The following ADAMTS17 variants were observed in gnomAD, a reference collection of about 807,000 sequenced individuals.
ADAMTS17 encodes ADAM metallopeptidase with thrombospondin type 1 motif 17, also known as A disintegrin and metalloproteinase with thrombospondin motifs 17.
In ADAMTS17, 113 loss-of-function variants were observed where a neutral mutation model predicts 141.5. The ratio of observed to expected loss-of-function variants is 0.80; its 90% CI spans 0.69 to 0.93. The LOEUF (loss-of-function observed/expected upper bound fraction) is 0.93, where lower values mean the gene tolerates loss of function less well. Ranked by LOEUF, ADAMTS17 falls within the 40% of genes least tolerant of loss-of-function variation. ADAMTS17 has a pLI of 0.00. For synonymous variants in ADAMTS17, 768 were observed against 630.6 expected, an observed-to-expected ratio of 1.22 and a Z score of -3.27; for missense variants, 1,659 against 1,517.9, an observed-to-expected ratio of 1.09 and a Z score of -1.54.
intron 18 of ADAMTS17, among the ~76,000 whole-genome samples, chr15:100,015,009 T>G (rs1328343485): frequency 6.6e-6 from 1 of 152,222 alleles, no homozygotes; most frequent in East Asian, 1.9e-4. Context: ...ATTTCTTAGG[T>G]CTATTAGTAA....
At chr15:100,251,488 G>A (rs1596363737) in intron 7 of ADAMTS17, among the ~76,000 whole-genome samples, 2 of 152,378 alleles carry the variant, frequency 1.3e-5, no homozygotes, top group South Asian at 4.1e-4. Flanking sequence ...CACTCTGGGA[G>A]GCCGAGGCGG....
chr15:100,311,169 G>T (rs2045392238), intron 3 of ADAMTS17, among the ~76,000 whole-genome samples: 1 of 152,230 alleles, frequency 6.6e-6, no homozygotes, highest in Non-Finnish European at 1.5e-5. Flanking sequence ...CTGCCGGGAG[G>T]GAAGCCGGGT....
chr15:100,282,220 C>G lies in ADAMTS17; in HGVS notation c.617-819G>C, dbSNP rs976062042. Among the ~76,000 whole-genome samples, 4 of 152,200 alleles carry G rather than the reference C, an allele frequency of 2.6e-5. No individual in the cohort carries two copies. The East Asian group carries it at 7.7e-4, about 29-fold the overall frequency. On this transcript the variant is annotated intron_variant, in intron 3 of 21. Coordinates refer to ENST00000268070, the MANE Select transcript of ADAMTS17 (RefSeq NM_139057.4). The stretch of plus-strand genomic sequence containing the variant: ...GAATCCGAATATAAACAGGAAGTCT[C>G]TCTCATTTGATAGTTATTTCCATGT...
At chr15:100,311,983 G>A (rs1482680722) in intron 3 of ADAMTS17, among the ~76,000 whole-genome samples, 1 of 152,176 alleles carries the variant, frequency 6.6e-6, no homozygotes, top group African/African-American at 2.4e-5. Context: ...GGTGGCTCAG[G>A]GAAGCTCCTG....
chr15:100,080,742 T>A (rs2034679127), intron 15 of ADAMTS17, among the ~76,000 whole-genome samples: 1 of 152,240 alleles, frequency 6.6e-6, no homozygotes, highest in Non-Finnish European at 1.5e-5. Flanking sequence ...GAAAGTATAT[T>A]TCCTTTTCCT....
chr15:100,225,744 C>G, intron 7 of ADAMTS17, among the ~76,000 whole-genome samples: 1 of 150,206 alleles, frequency 6.7e-6, no homozygotes, highest in Admixed American at 6.6e-5. Context: ...GCCATTCAGT[C>G]CTTATAGCAG....
intron 2 of ADAMTS17, among the ~76,000 whole-genome samples, chr15:100,332,421 T>C (rs1264166064): frequency 6.6e-6 from 1 of 152,216 alleles, no homozygotes; most frequent in Non-Finnish European, 1.5e-5. Context: ...GTGCCTGGGA[T>C]GGAGCCCCGC....
At position 100,281,219 on chromosome 15, in the gene ADAMTS17, C is replaced by G; in HGVS notation, c.789+10G>C. On this transcript the variant is annotated intron_variant, in intron 4 of 21. Transcript: ENST00000268070. ...AGCCCCCCACATCAGGACCCCGGCT[C>G]CGGACTCACCATGTTCATGACGGTC... 6.2e-7 allele frequency: 1 copy of G among 1,603,110 alleles called. No individual in the cohort carries two copies.
chr15:100,103,107 G>A (rs907132268), intron 14 of ADAMTS17, among the ~76,000 whole-genome samples: 1 of 152,216 alleles, frequency 6.6e-6, no homozygotes, highest in African/African-American at 2.4e-5. Flanking sequence ...AGTCCCGCAT[G>A]GAAGAGGCAG....
At chr15:100,049,455 G>A (rs2031970758) in intron 17 of ADAMTS17, among the ~76,000 whole-genome samples, 1 of 152,220 alleles carries the variant, frequency 6.6e-6, no homozygotes, top group African/African-American at 2.4e-5. Flanking sequence ...AGTCTGGTCT[G>A]GAAGACACAC....
intron 15 of ADAMTS17, among the ~76,000 whole-genome samples, chr15:100,091,234 T>C (rs2035451551): frequency 6.6e-6 from 1 of 151,880 alleles, no homozygotes. Flanking sequence ...TCAGGCCAGA[T>C]ACCCCCGATG....
intron 10 of ADAMTS17, among the ~76,000 whole-genome samples, chr15:100,141,160 A>G (rs2038629237): frequency 6.6e-6 from 1 of 152,204 alleles, no homozygotes; most frequent in East Asian, 1.9e-4. Flanking sequence ...CATCCCCAGC[A>G]TGTTTTGCTG....
At chr15:100,312,064 T>G (rs2045423304) in intron 3 of ADAMTS17, among the ~76,000 whole-genome samples, 1 of 152,064 alleles carries the variant, frequency 6.6e-6, no homozygotes, top group Admixed American at 6.5e-5. Flanking sequence ...GACGGCTGAG[T>G]GAGCTCATGG....
intron 7 of ADAMTS17, among the ~76,000 whole-genome samples, chr15:100,233,812 GA>G (rs2042567059): frequency 6.6e-6 from 1 of 152,020 alleles, no homozygotes; most frequent in Non-Finnish European, 1.5e-5. Flanking sequence ...CCAAGCTGGA[GA>G]TGGAGGCGAG....
At chr15:100,287,423 A>C (rs2142106294) in intron 3 of ADAMTS17, among the ~76,000 whole-genome samples, 1 of 152,308 alleles carries the variant, frequency 6.6e-6, no homozygotes, top group African/African-American at 2.4e-5. Context: ...GGCATCCTTG[A>C]AAGAGAAGGA....
intron 13 of ADAMTS17, among the ~76,000 whole-genome samples, chr15:100,113,016 T>A (rs1481601564): frequency 1.3e-5 from 2 of 152,120 alleles, no homozygotes; most frequent in Non-Finnish European, 2.9e-5. Flanking sequence ...ACAGCACTCA[T>A]CCAAGTTCTC....
chr15:100,259,567 C>T (rs1476234422), intron 6 of ADAMTS17, among the ~76,000 whole-genome samples: 6 of 152,226 alleles, frequency 3.9e-5, no homozygotes, highest in African/African-American at 1.2e-4. Flanking sequence ...GCTACTACAT[C>T]AGCCATGTCA....
chr15:100,170,262 T>C (rs1484625025), intron 8 of ADAMTS17, among the ~76,000 whole-genome samples: 1 of 152,160 alleles, frequency 6.6e-6, no homozygotes, highest in Non-Finnish European at 1.5e-5. Flanking sequence ...TGCTGCAGAA[T>C]GGTAACTCCT....
chr15:100,320,409 C>A (rs576062946), intron 3 of ADAMTS17, among the ~76,000 whole-genome samples: 117 of 152,314 alleles, frequency 7.7e-4, no homozygotes, highest in African/African-American at 2.7e-3. Flanking sequence ...CAGAGCATTA[C>A]ACAGAATCTA....
Sources: gnomAD v4.1 joint callset for allele counts (sites outside exome capture counted in the v4.1 genomes callset) on GRCh38, gnomAD v4.1.1 for gene constraint, MANE v1.5 for transcripts, NCBI Gene and HGNC (gene_info 2026-07-23, HGNC 2026-07-21) for gene names.